Variants in PKNOX2 observed in about 807,000 individuals in gnomAD.
The protein encoded by PKNOX2 is PBX/knotted 1 homeobox 2.
Under a neutral mutation model 53.1 loss-of-function variants are expected in PKNOX2, and 14 were observed. The observed-to-expected ratio is 0.26, with a 90% CI of 0.17 to 0.41. The LOEUF is 0.41. PKNOX2 is among the 10% of genes least tolerant of loss of function. PKNOX2 has a pLI of 1.00. For missense variants in PKNOX2, 496 were observed against 602.8 expected, an observed-to-expected ratio of 0.82 and a Z score of 1.85; for synonymous variants, 257 against 242.8, an observed-to-expected ratio of 1.06 and a Z score of -0.54.
chr11:125,430,253 C>T (rs981688692), intron 12 of PKNOX2, 112 bp downstream of exon 12: 17 of 1,251,566 alleles, frequency 1.4e-5, no homozygotes, highest in Admixed American at 8.1e-5. Context: ...GGGCTCCCAT[C>T]GCTGCCATGC....
intron 1 of PKNOX2, among the ~76,000 whole-genome samples, chr11:125,180,204 T>C (rs1316874940): frequency 6.6e-6 from 1 of 152,228 alleles, no homozygotes; most frequent in Non-Finnish European, 1.5e-5. Context: ...TCAATGAGGC[T>C]TTCCTCATTT....
At chr11:125,409,107 T>C (rs1191615711) in intron 7 of PKNOX2, among the ~76,000 whole-genome samples, 2 of 152,160 alleles carry the variant, frequency 1.3e-5, no homozygotes, top group Non-Finnish European at 2.9e-5. Context: ...CAGGCAGGCC[T>C]CCTGAGGCTC....
At chr11:125,330,785 T>C (rs1314263650) in intron 2 of PKNOX2, among the ~76,000 whole-genome samples, 1 of 151,014 alleles carries the variant, frequency 6.6e-6, no homozygotes, top group Admixed American at 6.6e-5. Context: ...CCCTTGCAGC[T>C]CCCGGCCTGG....
intron 2 of PKNOX2, among the ~76,000 whole-genome samples, chr11:125,280,408 C>T (rs1388552933): frequency 1.3e-5 from 2 of 151,930 alleles, no homozygotes; most frequent in Non-Finnish European, 2.9e-5. Context: ...AGATGGGAGC[C>T]CTGGTCATCT....
At chr11:125,259,490 GCAC>G in intron 2 of PKNOX2, among the ~76,000 whole-genome samples, 1 of 152,192 alleles carries the variant, frequency 6.6e-6, no homozygotes, top group Middle Eastern at 3.4e-3. Context: ...TTTTCATTAG[GCAC>G]CCTAAGTACC....
At chr11:125,224,907 G>A (rs370979352) in intron 1 of PKNOX2, among the ~76,000 whole-genome samples, 3 of 152,358 alleles carry the variant, frequency 2.0e-5, no homozygotes, top group East Asian at 1.9e-4. Context: ...GGGAAGTGCC[G>A]TGGTGCCCTT....
intron 4 of PKNOX2, among the ~76,000 whole-genome samples, chr11:125,362,396 C>T (rs1461566306): frequency 6.6e-6 from 1 of 152,018 alleles, no homozygotes; most frequent in Non-Finnish European, 1.5e-5. Flanking sequence ...TTTTTAGAGA[C>T]AGGGTCTTGC....
rs185971152 is a variant in PKNOX2 at position 125,165,163 on chromosome 11, C to G, written c.-201+387C>G. Among the ~76,000 whole-genome samples, 31,466 of 148,818 alleles carry G rather than the reference C, an allele frequency of 0.21. 3,941 individuals are homozygous for G. The highest frequency in any genetic ancestry group is 0.29 in the Non-Finnish European group (19,436 of 66,838). Reference sequence around the variant, plus strand: ...CGCTCAGCCCCGCCGCCGCCGCCGCCGCCGCCTCGCCGCGCTTGGGCCCGT... The same window carrying G: ...CGCTCAGCCCCGCCGCCGCCGCCGCGGCCGCCTCGCCGCGCTTGGGCCCGT... On this transcript the variant is annotated intron_variant, in intron 1 of 12. Transcript: ENST00000298282. This position sits in a 1 kb window ranked among gnomAD's most constrained non-coding sequence, Gnocchi z 4.5.
At chr11:125,308,798 C>G (rs1390043001) in intron 2 of PKNOX2, among the ~76,000 whole-genome samples, 1 of 152,204 alleles carries the variant, frequency 6.6e-6, no homozygotes, top group Non-Finnish European at 1.5e-5. Flanking sequence ...AGGACTCCCT[C>G]ACATAAAGGG....
intron 10 of PKNOX2, among the ~76,000 whole-genome samples, chr11:125,421,786 G>T (rs556065750): frequency 2.0e-5 from 3 of 152,228 alleles, no homozygotes; most frequent in South Asian, 4.1e-4. Flanking sequence ...GGCTGCTTAC[G>T]CCCGGAGACC....
intron 1 of PKNOX2, among the ~76,000 whole-genome samples, chr11:125,187,582 G>A (rs1189474524): frequency 6.6e-6 from 1 of 151,838 alleles, no homozygotes; most frequent in African/African-American, 2.4e-5. Context: ...GGATTCTTTT[G>A]GATTTTCTAT....
intron 1 of PKNOX2, among the ~76,000 whole-genome samples, chr11:125,218,444 T>C (rs1940786785): frequency 6.6e-6 from 1 of 151,828 alleles, no homozygotes; most frequent in Non-Finnish European, 1.5e-5. Flanking sequence ...AATTTGCTGG[T>C]AGGAGGTGGT....
rs538034801 is a variant in PKNOX2, at chr11:125,188,538, G to A, written c.-201+23762G>A. Among the ~76,000 whole-genome samples the A allele has an allele frequency of 5.3e-4, 81 of 152,350 alleles. 4 individuals are homozygous for A. In the South Asian group the frequency reaches 0.016, roughly 30 times the overall value. On this transcript the variant is annotated intron_variant, in intron 1 of 12. Transcript: ENST00000298282. ...GTTAACAGATGAGTCTGAGAGACAAGTAGAGTTGATTCTATCAGAAGGTTC... is the reference window on the plus strand; with the variant it reads ...GTTAACAGATGAGTCTGAGAGACAAATAGAGTTGATTCTATCAGAAGGTTC...
chr11:125,332,275 C>A (rs1205202096), intron 3 of PKNOX2, among the ~76,000 whole-genome samples: 1 of 152,030 alleles, frequency 6.6e-6, no homozygotes, highest in South Asian at 2.1e-4. Context: ...CCATGAATGA[C>A]CTGGTGGTGG....
chr11:125,200,461 G>C (rs1314055026), intron 1 of PKNOX2, among the ~76,000 whole-genome samples: 1 of 152,188 alleles, frequency 6.6e-6, no homozygotes, highest in African/African-American at 2.4e-5. Flanking sequence ...CCCAGTGATA[G>C]GTTCTGTGAA....
intron 2 of PKNOX2, among the ~76,000 whole-genome samples, chr11:125,310,930 C>T (rs58266590): frequency 6.0e-4 from 91 of 152,120 alleles, no homozygotes; most frequent in African/African-American, 1.1e-3. Context: ...ATGTCTGCCC[C>T]GGGATATAGC....
At chr11:125,411,890 T>C in intron 10 of PKNOX2, 25 bp downstream of exon 10, 1 of 1,613,616 alleles carries the variant, frequency 6.2e-7, no homozygotes, top group Non-Finnish European at 8.5e-7. Context: ...CTTGGGGGTG[T>C]GGAGTCCCGG....
intron 4 of PKNOX2, among the ~76,000 whole-genome samples, chr11:125,361,967 G>C (rs1044777580): frequency 6.6e-6 from 1 of 152,206 alleles, no homozygotes; most frequent in African/African-American, 2.4e-5. Context: ...TAAACCAGCT[G>C]TGCCTTCCCA....
chr11:125,318,784 A>T (rs1418649861), intron 2 of PKNOX2, among the ~76,000 whole-genome samples: 1 of 152,104 alleles, frequency 6.6e-6, no homozygotes, highest in Admixed American at 6.6e-5. Context: ...GACCTGGTGG[A>T]GGTGATTAGA....
Sources: gnomAD v4.1 joint callset for allele counts (sites outside exome capture counted in the v4.1 genomes callset) on GRCh38, gnomAD v4.1.1 for gene constraint, Gnocchi (gnomAD v3.1) non-coding constraint, MANE v1.5 for transcripts, NCBI Gene and HGNC (gene_info 2026-07-23, HGNC 2026-07-21) for gene names.